Variants in CDYL2 observed in about 807,000 individuals in gnomAD.
CDYL2 encodes chromodomain Y-like protein 2.
CDYL2 carries 23 observed loss-of-function variants against 49.4 expected under a neutral mutation model. That is an observed-to-expected ratio of 0.47 (90% CI 0.34 to 0.66). CDYL2 has a LOEUF of 0.66. Among genes scored for constraint, CDYL2 ranks in the 30% least tolerant of loss-of-function variants. The pLI is 0.01. For synonymous variants in CDYL2, 360 were observed against 268.8 expected, an observed-to-expected ratio of 1.34 and a Z score of -3.32; for missense variants, 678 against 656.4, an observed-to-expected ratio of 1.03 and a Z score of -0.36.
chr16:80,659,564 GA>G (rs147598944), intron 2 of CDYL2, among the ~76,000 whole-genome samples: 3,096 of 151,784 alleles, frequency 0.02, 85 homozygotes, highest in African/African-American at 0.051. Context: ...AGATGGTACA[GA>G]AAAAGAACAA....
At chr16:80,624,020 C>A (rs1326875289) in intron 3 of CDYL2, among the ~76,000 whole-genome samples, 1 of 152,150 alleles carries the variant, frequency 6.6e-6, no homozygotes. Flanking sequence ...ATCATCCAGA[C>A]CCTCCAAGTC....
chr16:80,638,781 GA>G (rs1427016086), intron 2 of CDYL2, among the ~76,000 whole-genome samples: 1 of 151,402 alleles, frequency 6.6e-6, no homozygotes, highest in African/African-American at 2.4e-5. Context: ...TTGAAAAAGG[GA>G]AAAAAAAGAA....
intron 6 of CDYL2, among the ~76,000 whole-genome samples, chr16:80,605,641 G>C (rs1313202548): frequency 6.6e-6 from 1 of 151,398 alleles, no homozygotes; most frequent in East Asian, 1.9e-4. Flanking sequence ...TCTTAGTAAT[G>C]AGCAATAATC....
chr16:80,651,589 G>A (rs1908584542), intron 2 of CDYL2, among the ~76,000 whole-genome samples: 1 of 152,192 alleles, frequency 6.6e-6, no homozygotes, highest in Admixed American at 6.5e-5. Flanking sequence ...TTAAAAGCAT[G>A]CCAATTTAAA....
rs118079423 is a variant in CDYL2, at chr16:80,676,728, C to A, written c.616+7810G>T. On this transcript the variant is annotated intron_variant, in intron 2 of 6. Transcript: ENST00000570137. ...TGACTTGTAATTTGCATTTCTCCTC[C>A]TCTCTTTGTCTGGTTTGGAAATCCA... is the stretch of plus-strand genomic sequence containing the variant. 2.2e-3 allele frequency among the ~76,000 whole-genome samples: 339 copies of A among 152,306 alleles called. 1 individual carries two copies. The highest frequency in any genetic ancestry group is 3.1e-3 in the Non-Finnish European group (209 of 68,038).
At chr16:80,730,605 G>C (rs1235445409) in intron 1 of CDYL2, among the ~76,000 whole-genome samples, 1 of 152,008 alleles carries the variant, frequency 6.6e-6, no homozygotes, top group Admixed American at 6.6e-5. Context: ...CATTTTATGA[G>C]GCCAGCATCA....
chr16:80,684,138 A>T lies in CDYL2; in HGVS notation c.616+400T>A, dbSNP rs921926671. Among the ~76,000 whole-genome samples, 10 of 152,300 alleles carry T rather than the reference A, an allele frequency of 6.6e-5. No homozygotes were observed. The East Asian group carries it at 1.9e-3, about 29-fold the overall frequency. ...ACTGCTGGGGGCATGATGAGGCTGC[A>T]AGCAAGGGCTCTGCACTGTGCCCTG... On this transcript the variant is annotated intron_variant, in intron 2 of 6. Coordinates refer to ENST00000570137, the MANE Select transcript of CDYL2 (RefSeq NM_152342.4).
rs111239983 is a variant in CDYL2, at chr16:80,691,758, T to C, written c.25-6629A>G. Among the ~76,000 whole-genome samples the C allele has an allele frequency of 3.3e-5, 5 of 152,206 alleles. 1 individual carries two copies. Among genetic ancestry groups the C allele is most frequent in the South Asian group, 2.1e-4 (1 of 4,820 alleles). ...GTGTCTTCCAATACTACAGAAAATA[T>C]GACCCATGTTTTTAAAAGAGAGAGA... On this transcript the variant is annotated intron_variant, in intron 1 of 6. Transcript: ENST00000570137.
intron 1 of CDYL2, among the ~76,000 whole-genome samples, chr16:80,782,094 A>G (rs957924190): frequency 2.0e-5 from 3 of 152,154 alleles, no homozygotes; most frequent in East Asian, 3.9e-4. Context: ...CAAAGAAACC[A>G]AAGTCTATTC....
At chr16:80,662,538 T>G (rs1200229915) in intron 2 of CDYL2, among the ~76,000 whole-genome samples, 3 of 152,084 alleles carry the variant, frequency 2.0e-5, no homozygotes, top group Admixed American at 1.3e-4. Context: ...ACTTAGTGAG[T>G]GTTCACCAGA....
chr16:80,654,448 A>G (rs1908718994), intron 2 of CDYL2, among the ~76,000 whole-genome samples: 1 of 152,216 alleles, frequency 6.6e-6, no homozygotes, highest in South Asian at 2.1e-4. Flanking sequence ...GCACAACACC[A>G]TTCTGGTAAT....
At chr16:80,667,630 G>T (rs919670133) in intron 2 of CDYL2, among the ~76,000 whole-genome samples, 1 of 152,160 alleles carries the variant, frequency 6.6e-6, no homozygotes, top group Non-Finnish European at 1.5e-5. Context: ...ATGAGTACTG[G>T]TTAGCATACA....
intron 1 of CDYL2, among the ~76,000 whole-genome samples, chr16:80,724,169 G>A (rs760218639): frequency 1.3e-5 from 2 of 148,500 alleles, no homozygotes; most frequent in East Asian, 2.0e-4. Flanking sequence ...AGAGGAGGAG[G>A]AGACAAAGAG....
intron 1 of CDYL2, among the ~76,000 whole-genome samples, chr16:80,745,056 C>T (rs970207097): frequency 1.3e-5 from 2 of 152,170 alleles, no homozygotes; most frequent in East Asian, 1.9e-4. Context: ...GTGCTAGAGG[C>T]CCTCCATCGA....
intron 1 of CDYL2, among the ~76,000 whole-genome samples, chr16:80,792,759 T>G (rs1354217545): frequency 6.6e-6 from 1 of 152,124 alleles, no homozygotes; most frequent in Non-Finnish European, 1.5e-5. Context: ...TCCCCACAGC[T>G]GCTAGGAATA....
chr16:80,743,938 A>C (rs1369637741), intron 1 of CDYL2, among the ~76,000 whole-genome samples: 4 of 152,072 alleles, frequency 2.6e-5, no homozygotes, highest in Admixed American at 1.3e-4. Context: ...GTGGGACTGT[A>C]CTATTCCTCC....
intron 2 of CDYL2, among the ~76,000 whole-genome samples, chr16:80,674,428 T>TC (rs1310007377): frequency 2.3e-5 from 1 of 43,738 alleles, no homozygotes; most frequent in Non-Finnish European, 1.0e-4. Flanking sequence ...TTTCTTCTCC[T>TC]TTTTTTTAAA....
chr16:80,615,465 C>G (rs948945178), intron 4 of CDYL2, among the ~76,000 whole-genome samples: 5 of 152,082 alleles, frequency 3.3e-5, no homozygotes, highest in Non-Finnish European at 5.9e-5. Flanking sequence ...GCAGAATTCC[C>G]TCCATAACAT....
intron 2 of CDYL2, among the ~76,000 whole-genome samples, chr16:80,645,803 C>T (rs1400138660): frequency 6.6e-6 from 1 of 151,642 alleles, no homozygotes; most frequent in Non-Finnish European, 1.5e-5. Context: ...TACTATGCAG[C>T]CATAAAAAAG....
Sources: gnomAD v4.1 joint callset for allele counts (sites outside exome capture counted in the v4.1 genomes callset) on GRCh38, gnomAD v4.1.1 for gene constraint, MANE v1.5 for transcripts, NCBI Gene and HGNC (gene_info 2026-07-23, HGNC 2026-07-21) for gene names.